Variants in NF1 observed in about 807,000 individuals in gnomAD.
The protein encoded by NF1 is neurofibromin.
Under a neutral mutation model 325.7 loss-of-function variants are expected in NF1, and 122 were observed. The ratio of observed to expected loss-of-function variants is 0.37; its 90% CI spans 0.32 to 0.44. The LOEUF (loss-of-function observed/expected upper bound fraction) is 0.44, where lower values mean the gene tolerates loss of function less well. NF1 is among the 20% of genes least tolerant of loss of function. The pLI is 1.00. For synonymous variants in NF1, 1,091 were observed against 1,186.0 expected (o/e 0.92, Z 1.65); for missense variants, 2,140 against 3,415.4 (o/e 0.63, Z 9.31).
chr17:31,337,648 T>C lies in NF1; in HGVS notation c.6642+66T>C, dbSNP rs555069137. ...TTTTTAAAAATATGTTAATACTATATAGAAGAAATATTGGTTTATTGTGCT... is the reference window on the plus strand; with the variant it reads ...TTTTTAAAAATATGTTAATACTATACAGAAGAAATATTGGTTTATTGTGCT... On this transcript the variant is annotated intron_variant, in intron 43 of 57. Coordinates refer to ENST00000358273, the MANE Select transcript of NF1 (RefSeq NM_001042492.3). The C allele has an allele frequency of 8.5e-5, 126 of 1,478,498 alleles. No homozygotes were observed. In the Middle Eastern group the frequency reaches 1.4e-3, roughly 16 times the overall value. 91.6% of individuals were successfully genotyped at this position (1,478,498 alleles called of 1,614,324 possible).
At position 31,229,196 on chromosome 17, in the gene NF1, G is replaced by A. The variant is rs768425956; in HGVS notation, c.2581G>A (p.Ala861Thr). The A allele has an allele frequency of 1.2e-6, 2 of 1,611,970 alleles. No individual in the cohort carries two copies. The highest frequency in any genetic ancestry group is 8.5e-7 in the Non-Finnish European group (1 of 1,179,816). ...CLQQRSNSGL[A>T]TYSPPMGPVS... ...CCAGCAGAGAAGCAATTCTGGCCTG[G>A]CAACCTATAGCCCACCCATGGGTCC... The change falls in exon 21 of 58, where the codon GCA (alanine) becomes ACA (threonine). Residue 861 changes from alanine to threonine, a missense_variant. Transcript: ENST00000358273.
chr17:31,197,566 C>T (rs1313866953), intron 8 of NF1, among the ~76,000 whole-genome samples: 1 of 151,936 alleles, frequency 6.6e-6, no homozygotes, highest in Admixed American at 6.6e-5. Flanking sequence ...TGGATGCTAT[C>T]GTAAGTGGAA....
At chr17:31,306,256 A>G (rs1286263070) in intron 36 of NF1, among the ~76,000 whole-genome samples, 2 of 151,694 alleles carry the variant, frequency 1.3e-5, no homozygotes, top group Admixed American at 1.3e-4. Flanking sequence ...ACCCTTACCT[A>G]CTTTTCTTTG....
chr17:31,335,274 T>TTATATACATATATATATATATATA (rs1325370174), intron 40 of NF1, among the ~76,000 whole-genome samples: 23 of 6,702 alleles, frequency 3.4e-3, no homozygotes, highest in East Asian at 8.1e-3. Context: ...CAAGGCATAA[T>TTATATACATATATATATATATATA]TATATATATA....
intron 1 of NF1, among the ~76,000 whole-genome samples, chr17:31,152,717 G>A (rs1232314811): frequency 2.0e-5 from 3 of 149,442 alleles, no homozygotes; most frequent in Non-Finnish European, 3.0e-5. Flanking sequence ...CACATCTTTT[G>A]TCATTTTCTT....
chr17:31,371,067 G>A (rs1048674690), intron 57 of NF1, among the ~76,000 whole-genome samples: 1 of 152,212 alleles, frequency 6.6e-6, no homozygotes, highest in African/African-American at 2.4e-5. Context: ...CCACTCTCTG[G>A]AGATCAGGGA....
chr17:31,192,042 T>A (rs1333689518), intron 8 of NF1, among the ~76,000 whole-genome samples: 1 of 152,218 alleles, frequency 6.6e-6, no homozygotes, highest in Non-Finnish European at 1.5e-5. Context: ...GTTTTTCCAG[T>A]CACCTGTTTC....
intron 48 of NF1, among the ~76,000 whole-genome samples, chr17:31,344,915 G>A (rs1017989834): frequency 6.6e-6 from 1 of 152,130 alleles, no homozygotes; most frequent in Non-Finnish European, 1.5e-5. Flanking sequence ...TTGAAGGCAG[G>A]AGTTCAAGAC....
intron 36 of NF1, among the ~76,000 whole-genome samples, chr17:31,283,286 G>A (rs1253216497): frequency 3.9e-5 from 6 of 151,908 alleles, no homozygotes; most frequent in East Asian, 3.9e-4. Context: ...TCGTGGTGGC[G>A]GGCACCTGTA....
intron 30 of NF1, chr17:31,251,116 G>A (rs1027319113): frequency 5.1e-6 from 1 of 196,912 alleles, no homozygotes; most frequent in Non-Finnish European, 1.1e-5. Context: ...GTATTTTATT[G>A]AGTCTGCTTC....
chr17:31,215,825 A>G (rs555718313), intron 13 of NF1, among the ~76,000 whole-genome samples: 1 of 152,292 alleles, frequency 6.6e-6, no homozygotes, highest in African/African-American at 2.4e-5. Context: ...ATATTTTTTA[A>G]ATTACTGTAA....
intron 8 of NF1, among the ~76,000 whole-genome samples, chr17:31,194,899 G>C (rs1191718228): frequency 6.6e-6 from 1 of 152,082 alleles, no homozygotes; most frequent in African/African-American, 2.4e-5. Flanking sequence ...TCAGCTTTCT[G>C]ATGCTTAGAA....
At chr17:31,139,627 G>A (rs1253868150) in intron 1 of NF1, among the ~76,000 whole-genome samples, 1 of 152,140 alleles carries the variant, frequency 6.6e-6, no homozygotes, top group Non-Finnish European at 1.5e-5. Flanking sequence ...ATTGTTGGAG[G>A]CTTTCTAAAT....
chr17:31,168,177 G>C (rs2065875322), intron 4 of NF1, among the ~76,000 whole-genome samples: 1 of 152,076 alleles, frequency 6.6e-6, no homozygotes, highest in African/African-American at 2.4e-5. Context: ...AATACACATA[G>C]AATAGTACTT....
At chr17:31,243,919 G>A (rs2067347437) in intron 29 of NF1, among the ~76,000 whole-genome samples, 2 of 151,792 alleles carry the variant, frequency 1.3e-5, no homozygotes. Flanking sequence ...GTAATGTGCT[G>A]GGTCACCCCT....
At chr17:31,331,304 G>T (rs1247145205) in intron 39 of NF1, 2 of 152,118 alleles carry the variant, frequency 1.3e-5, no homozygotes, top group African/African-American at 2.4e-5. Flanking sequence ...TATGAGAGAA[G>T]ATTTGAGTGA....
chr17:31,250,125 G>C (rs571614001), intron 30 of NF1: 1 of 403,018 alleles, frequency 2.5e-6, no homozygotes, highest in Non-Finnish European at 4.8e-6. Context: ...AGCTTTTCAC[G>C]GTATACATAG....
intron 32 of NF1, among the ~76,000 whole-genome samples, chr17:31,258,705 T>C (rs2067628617): frequency 6.6e-6 from 1 of 152,182 alleles, no homozygotes; most frequent in African/African-American, 2.4e-5. Context: ...AACATTTTAT[T>C]ATAGCAGATG....
chr17:31,259,756 G>A (rs1173566061), intron 33 of NF1, among the ~76,000 whole-genome samples: 2 of 152,154 alleles, frequency 1.3e-5, no homozygotes, highest in African/African-American at 4.8e-5. Context: ...ATAAGAAAGC[G>A]CTTTGTAAAT....
Sources: gnomAD v4.1 joint callset for allele counts (sites outside exome capture counted in the v4.1 genomes callset) on GRCh38, gnomAD v4.1.1 for gene constraint, MANE v1.5 for transcripts, NCBI Gene and HGNC (gene_info 2026-07-23, HGNC 2026-07-21) for gene names.